The following CPNE2 variants were observed in gnomAD, a reference collection of about 807,000 sequenced individuals.
CPNE2 encodes copine-2.
In CPNE2, 42 loss-of-function variants were observed where a neutral mutation model predicts 69.7. The ratio of observed to expected loss-of-function variants is 0.60; its 90% CI spans 0.47 to 0.78. The LOEUF is 0.78. Ranked by LOEUF, CPNE2 falls within the 30% of genes least tolerant of loss-of-function variation. The pLI, the probability that CPNE2 is intolerant of heterozygous loss-of-function variation, is 0.00. For synonymous variants in CPNE2, 294 were observed against 289.8 expected (o/e 1.01, Z -0.15); for missense variants, 587 against 732.0 (o/e 0.80, Z 2.29).
rs555945675 is a variant in CPNE2, at chr16:57,146,715, C to T, written c.1539+394C>T. ...CCAGCAAGCCCCCTCATTTTGTAGA[C>T]GGAAAACAAGGCCTCCCAGTCATCT... is the stretch of plus-strand genomic sequence containing the variant. On this transcript the variant is annotated intron_variant, in intron 15 of 15. Transcript: ENST00000290776. This position sits in a 1 kb window ranked among gnomAD's most constrained non-coding sequence, Gnocchi z 4.4. The T allele has an allele frequency of 3.7e-5, 7 of 189,084 alleles. No individual in the cohort carries two copies. The highest frequency in any genetic ancestry group is 1.6e-4 in the East Asian group (1 of 6,384). The allele number at this position is 189,084 out of a possible 1,614,324, so 11.7% of individuals were successfully genotyped here.
intron 14 of CPNE2, among the ~76,000 whole-genome samples, chr16:57,139,995 C>T (rs1003393828): frequency 2.6e-5 from 4 of 152,118 alleles, no homozygotes; most frequent in East Asian, 3.9e-4. Flanking sequence ...GCCAGCAAAG[C>T]GCTCAGGGAA....
In CPNE2 at chr16:57,108,058, T is replaced by C. The variant is rs565046699; in HGVS notation, c.-35-2650T>C. Reference sequence around the variant, plus strand: ...CTAATTTTTGTACTTTTAGTAGAGATGGGGTTTCACCATGTTGGCCAGGCT... The same window carrying C: ...CTAATTTTTGTACTTTTAGTAGAGACGGGGTTTCACCATGTTGGCCAGGCT... On this transcript the variant is annotated intron_variant, in intron 1 of 15. Transcript: ENST00000290776. Among the ~76,000 whole-genome samples, 3 of 152,126 alleles carry C rather than the reference T, an allele frequency of 2.0e-5. No homozygotes were observed. In the South Asian group the frequency reaches 6.2e-4, roughly 32 times the overall value.
chr16:57,099,885 C>A (rs1161063275), intron 1 of CPNE2, among the ~76,000 whole-genome samples: 7 of 150,818 alleles, frequency 4.6e-5, no homozygotes, highest in African/African-American at 1.5e-4. Flanking sequence ...AAGCGATTCT[C>A]CTGCCTCAGC....
chr16:57,139,049 G>A (rs1174264446), intron 14 of CPNE2, among the ~76,000 whole-genome samples: 2 of 152,242 alleles, frequency 1.3e-5, no homozygotes, highest in Non-Finnish European at 2.9e-5. Context: ...TGGAGAAAGA[G>A]TAATTCACAG....
intron 1 of CPNE2, among the ~76,000 whole-genome samples, chr16:57,096,732 C>A (rs2069580517): frequency 6.6e-6 from 1 of 150,688 alleles, no homozygotes. Flanking sequence ...TGGGGTCCAA[C>A]CAAAGGAAAG....
At chr16:57,126,100 G>A in intron 11 of CPNE2, 107 bp downstream of exon 11, 1 of 1,394,338 alleles carries the variant, frequency 7.2e-7, no homozygotes, top group Non-Finnish European at 9.8e-7. Context: ...TCTAGGAATG[G>A]ACAGCAAATG....
intron 1 of CPNE2, among the ~76,000 whole-genome samples, chr16:57,103,784 C>T (rs181843926): frequency 1.8e-4 from 27 of 152,332 alleles, no homozygotes; most frequent in Admixed American, 1.7e-3. Context: ...TTCTACATCG[C>T]GGTGGGGCCA....
intron 3 of CPNE2, 43 bp from the exon 4 acceptor site, chr16:57,115,433 C>A: frequency 6.7e-7 from 1 of 1,497,112 alleles, no homozygotes; most frequent in South Asian, 1.1e-5. Context: ...TCCCGGGCTT[C>A]CCCCGCTTCC....
At chr16:57,117,687 A>G in intron 5 of CPNE2, 120 bp downstream of exon 5, 2 of 1,141,374 alleles carry the variant, frequency 1.8e-6, no homozygotes, top group Admixed American at 2.0e-5. Flanking sequence ...GGACTGGTCC[A>G]GCACGGGGCC....
At chr16:57,137,386 C>T in intron 14 of CPNE2, 104 bp downstream of exon 14, 1 of 1,404,380 alleles carries the variant, frequency 7.1e-7, no homozygotes, top group South Asian at 1.3e-5. Context: ...CTAGTGGACA[C>T]CTCTGGGCCT....
chr16:57,094,340 G>A (rs577608463), intron 1 of CPNE2, among the ~76,000 whole-genome samples: 2 of 152,264 alleles, frequency 1.3e-5, no homozygotes, highest in Admixed American at 6.5e-5. Context: ...GGGAGCAGAC[G>A]TTCTGCAAGT....
chr16:57,105,476 C>G (rs564201422), intron 1 of CPNE2, among the ~76,000 whole-genome samples: 1 of 151,706 alleles, frequency 6.6e-6, no homozygotes, highest in African/African-American at 2.4e-5. Context: ...TGCTCTATCG[C>G]CCAGGTTGGA....
At chr16:57,123,128 T>A (rs2069774935) in intron 9 of CPNE2, among the ~76,000 whole-genome samples, 3 of 152,134 alleles carry the variant, frequency 2.0e-5, no homozygotes, top group Non-Finnish European at 4.4e-5. Context: ...ATTGAGACAC[T>A]CTGTGTCAGG....
At position 57,120,807 on chromosome 16, in the gene CPNE2, A is replaced by T. The variant is rs377545260; in HGVS notation, c.682-286A>T. Among the ~76,000 whole-genome samples, 8 of 152,308 alleles carry T rather than the reference A, an allele frequency of 5.3e-5. No individual in the cohort carries two copies. The South Asian group carries it at 1.7e-3, about 32-fold the overall frequency. The stretch of plus-strand genomic sequence containing the variant: ...CAGGCCATAAGCTGGGTGGGTCACA[A>T]CCCGAGGTGGAGGGGGAGCCATTTG... On this transcript the variant is annotated intron_variant, in intron 7 of 15. Transcript: ENST00000290776.
In CPNE2 at chr16:57,124,419, G is replaced by A. The variant is rs112171206; in HGVS notation, c.927+946G>A. ...CTATTTTCTGGGCACTTGCCGCCCC[G>A]AGATTCATATGCATTTGTCGCTTCT... On this transcript the variant is annotated intron_variant, in intron 10 of 15. Coordinates refer to ENST00000290776, the MANE Select transcript of CPNE2 (RefSeq NM_152727.6). 26 of 455,936 alleles carry A rather than the reference G, an allele frequency of 5.7e-5. 1 individual carries two copies. Among genetic ancestry groups the A allele is most frequent in the African/African-American group, 2.4e-4 (12 of 50,130 alleles). The allele number at this position is 455,936 out of a possible 1,614,324, so 28.2% of individuals were successfully genotyped here.
rs370387684 is a variant in CPNE2 at position 57,118,688 on chromosome 16, G to GGATGGATGGATA, written c.508-504_508-503insGGATGGATAGAT. 4.0e-3 allele frequency among the ~76,000 whole-genome samples: 609 copies of GGATGGATGGATA among 150,974 alleles called. 4 individuals are homozygous for GGATGGATGGATA. The highest frequency in any genetic ancestry group is 6.9e-3 in the South Asian group (33 of 4,760). On this transcript the variant is annotated intron_variant, in intron 5 of 15. Coordinates refer to ENST00000290776, the MANE Select transcript of CPNE2 (RefSeq NM_152727.6). ...TGGATGGATGGATGGATGGATGGAT[G>GGATGGATGGATA]GATAGATAGATAGATAGATAGAGTG...
rs775161372 is a variant in CPNE2, at chr16:57,113,308, G to T, written c.201G>T (p.Ala67=). The change falls in exon 3 of 16, where the codon GCG becomes GCT. Residue 67 remains alanine (A), a synonymous_variant. Coordinates refer to ENST00000290776, the MANE Select transcript of CPNE2 (RefSeq NM_152727.6). ...RWIEYDRTET[A]INNLNPAFSK... ...GCTAGTACGACAGGACAGAAACCGCGATCAACAACCTCAACCCCGCCTTCT... is the reference window on the plus strand; with the variant it reads ...GCTAGTACGACAGGACAGAAACCGCTATCAACAACCTCAACCCCGCCTTCT... 4 of 1,613,998 alleles carry T rather than the reference G, an allele frequency of 2.5e-6. No individual in the cohort carries two copies. The highest frequency in any genetic ancestry group is 2.2e-5 in the South Asian group (2 of 91,066).
intron 1 of CPNE2, among the ~76,000 whole-genome samples, chr16:57,102,397 G>A (rs1171863988): frequency 6.6e-6 from 1 of 152,052 alleles, no homozygotes; most frequent in Non-Finnish European, 1.5e-5. Flanking sequence ...GAAGGACTTG[G>A]AGGCCCTGAG....
chr16:57,110,896 A>G lies in CPNE2; in HGVS notation c.154A>G (p.Thr52Ala). 6.2e-7 allele frequency: 1 copy of G among 1,612,686 alleles called. No homozygotes were observed. The highest frequency in any genetic ancestry group is 8.5e-7 in the Non-Finnish European group (1 of 1,179,282). The change falls in exon 2 of 16, where the codon ACA becomes GCA. Residue 52 changes from threonine to alanine, a missense_variant. This residue lies in a region of CPNE2 where 96 missense variants were observed against 94.9 expected (regional missense o/e 1.01). Coordinates refer to ENST00000290776, the MANE Select transcript of CPNE2 (RefSeq NM_152727.6). The stretch of plus-strand genomic sequence containing the variant: ...GTCCGACCCCTTCTGTGTCCTCTTT[A>G]CAGAGAACAATGGCAGATGGATCGA... ...SKSDPFCVLF[T>A]ENNGRWIEYD...
Sources: gnomAD v4.1 joint callset for allele counts (sites outside exome capture counted in the v4.1 genomes callset) on GRCh38, gnomAD v4.1.1 for gene constraint, gnomAD v4.1.1 regional missense constraint, Gnocchi (gnomAD v3.1) non-coding constraint, MANE v1.5 for transcripts, NCBI Gene and HGNC (gene_info 2026-07-23, HGNC 2026-07-21) for gene names.